Variants in RBFOX1 observed in about 807,000 individuals in gnomAD.
The protein encoded by RBFOX1 is RNA binding fox-1 homolog 1.
In RBFOX1, 8 loss-of-function variants were observed where a neutral mutation model predicts 57.7. The observed-to-expected ratio is 0.14, with a 90% CI of 0.08 to 0.25. The LOEUF (loss-of-function observed/expected upper bound fraction) is 0.25, where lower values mean the gene tolerates loss of function less well. Among genes scored for constraint, RBFOX1 ranks in the 10% least tolerant of loss-of-function variants. The probability of loss-of-function intolerance (pLI) is 1.00; values close to 1 mark genes in which losing one functional copy is unlikely to be tolerated. For synonymous variants in RBFOX1, 326 were observed against 222.4 expected, an observed-to-expected ratio of 1.47 and a Z score of -4.15; for missense variants, 611 against 548.5, an observed-to-expected ratio of 1.11 and a Z score of -1.14.
intron 3 of RBFOX1, among the ~76,000 whole-genome samples, chr16:6,759,744 A>G (rs187506815): frequency 2.0e-4 from 31 of 152,312 alleles, no homozygotes; most frequent in African/African-American, 7.5e-4. Flanking sequence ...GACTACATGT[A>G]TGCTGAAGAA....
chr16:7,494,479 T>C (rs2067940756), intron 4 of RBFOX1, among the ~76,000 whole-genome samples: 1 of 152,160 alleles, frequency 6.6e-6, no homozygotes, highest in Non-Finnish European at 1.5e-5. Flanking sequence ...CTGGAAAATT[T>C]TCCTAACCCC....
At chr16:6,798,320 A>T (rs192187004) in intron 3 of RBFOX1, among the ~76,000 whole-genome samples, 9 of 152,144 alleles carry the variant, frequency 5.9e-5, no homozygotes, top group African/African-American at 1.9e-4. Context: ...TTTTTGATAA[A>T]CTCTGAAAAA....
chr16:7,002,659 C>T (rs1347588825), intron 3 of RBFOX1, among the ~76,000 whole-genome samples: 1 of 152,092 alleles, frequency 6.6e-6, no homozygotes, highest in African/African-American at 2.4e-5. Context: ...TTGCAGGGAG[C>T]CGAGATTGCG....
At chr16:7,650,026 AAG>A (rs1491530766) in intron 11 of RBFOX1, among the ~76,000 whole-genome samples, 1 of 52,320 alleles carries the variant, frequency 1.9e-5, no homozygotes, top group Admixed American at 1.8e-4. Context: ...AAAAGGAAGA[AAG>A]AGGGAGGGAA....
chr16:7,113,999 T>C (rs1286651051), intron 4 of RBFOX1, among the ~76,000 whole-genome samples: 1 of 152,198 alleles, frequency 6.6e-6, no homozygotes, highest in African/African-American at 2.4e-5. Context: ...TTAGTGAATT[T>C]ATAATTATTT....
At chr16:7,171,916 A>C (rs539595803) in intron 4 of RBFOX1, among the ~76,000 whole-genome samples, 1 of 152,210 alleles carries the variant, frequency 6.6e-6, no homozygotes, top group Non-Finnish European at 1.5e-5. Flanking sequence ...ATATATCCTC[A>C]GGTAGAACAA....
At chr16:7,417,765 G>A (rs141321182) in intron 4 of RBFOX1, among the ~76,000 whole-genome samples, 1 of 152,290 alleles carries the variant, frequency 6.6e-6, no homozygotes, top group Non-Finnish European at 1.5e-5. Flanking sequence ...TAAAAAGTAT[G>A]TGAAAGGCTT....
chr16:6,959,524 T>G (rs538432046), intron 3 of RBFOX1, among the ~76,000 whole-genome samples: 2 of 152,208 alleles, frequency 1.3e-5, no homozygotes, highest in African/African-American at 4.8e-5. Context: ...CCTCTCTCAT[T>G]CTGTGTGCAT....
chr16:5,498,514 A>G (rs944276912), intron 2 of RBFOX1, among the ~76,000 whole-genome samples: 5 of 152,156 alleles, frequency 3.3e-5, no homozygotes, highest in African/African-American at 1.2e-4. Flanking sequence ...TTGTGTTTCT[A>G]GAAGATCACA....
At chr16:6,043,612 A>G (rs1048097646) in intron 1 of RBFOX1, among the ~76,000 whole-genome samples, 8 of 152,170 alleles carry the variant, frequency 5.3e-5, no homozygotes, top group Non-Finnish European at 1.0e-4. Flanking sequence ...GATGGCCAGA[A>G]ATTTCATGTT....
At chr16:5,643,890 A>G (rs1050042131) in intron 3 of RBFOX1, among the ~76,000 whole-genome samples, 4 of 152,214 alleles carry the variant, frequency 2.6e-5, no homozygotes, top group African/African-American at 9.7e-5. Flanking sequence ...ATAAAAATTA[A>G]CTTAAAAATC....
intron 3 of RBFOX1, among the ~76,000 whole-genome samples, chr16:6,950,026 A>G (rs2153521669): frequency 6.6e-6 from 1 of 150,740 alleles, no homozygotes; most frequent in South Asian, 2.1e-4. Context: ...GGCTCGCTGC[A>G]ACGTCTGCCT....
intron 3 of RBFOX1, among the ~76,000 whole-genome samples, chr16:6,842,421 T>C (rs960574483): frequency 6.6e-6 from 1 of 152,090 alleles, no homozygotes; most frequent in African/African-American, 2.4e-5. Flanking sequence ...TTATTCACTG[T>C]TTGGGCAACT....
intron 2 of RBFOX1, among the ~76,000 whole-genome samples, chr16:5,550,466 G>T (rs2045417826): frequency 6.6e-6 from 1 of 152,164 alleles, no homozygotes; most frequent in African/African-American, 2.4e-5. Context: ...GCTGCCCAGG[G>T]GGGCAGTAGG....
chr16:5,629,400 G>C (rs2191093), intron 3 of RBFOX1, among the ~76,000 whole-genome samples: 12,411 of 152,228 alleles, frequency 0.082, 1,661 homozygotes, highest in African/African-American at 0.28. Flanking sequence ...AGGACTGCCA[G>C]TGGTATAAAT....
intron 2 of RBFOX1, among the ~76,000 whole-genome samples, chr16:6,327,832 G>A (rs2082553155): frequency 6.6e-6 from 1 of 152,140 alleles, no homozygotes; most frequent in Non-Finnish European, 1.5e-5. Context: ...ACAAAGGTTA[G>A]GAAATGAGGG....
chr16:5,907,817 C>T (rs1032096734), intron 4 of RBFOX1, among the ~76,000 whole-genome samples: 2 of 151,816 alleles, frequency 1.3e-5, no homozygotes, highest in Non-Finnish European at 2.9e-5. Context: ...GTGGTATGAT[C>T]TCAGCTCACT....
chr16:7,323,954 G>A (rs1427113640), intron 4 of RBFOX1, among the ~76,000 whole-genome samples: 1 of 152,188 alleles, frequency 6.6e-6, no homozygotes, highest in African/African-American at 2.4e-5. Context: ...TGGATGGATG[G>A]ATGGTGTGTT....
At chr16:7,155,088 G>T (rs1416162493) in intron 4 of RBFOX1, among the ~76,000 whole-genome samples, 1 of 152,130 alleles carries the variant, frequency 6.6e-6, no homozygotes, top group East Asian at 1.9e-4. Context: ...AGGTATCAAT[G>T]CAAACTCTCC....
Sources: gnomAD v4.1 joint callset for allele counts (sites outside exome capture counted in the v4.1 genomes callset) on GRCh38, gnomAD v4.1.1 for gene constraint, MANE v1.5 for transcripts, NCBI Gene and HGNC (gene_info 2026-07-23, HGNC 2026-07-21) for gene names.